Variants in PYY observed in about 807,000 individuals in gnomAD.
PYY encodes the protein peptide YY.
PYY carries 12 observed loss-of-function variants against 10.3 expected under a neutral mutation model. The observed-to-expected ratio is 1.17, with a 90% CI of 0.75 to 1.89. The LOEUF is 1.89. Ranked by LOEUF, PYY falls within the 40% of genes most tolerant of loss-of-function variation. The pLI is 0.00. For synonymous variants in PYY, 66 were observed against 62.0 expected, an observed-to-expected ratio of 1.06 and a Z score of -0.30; for missense variants, 141 against 134.0, an observed-to-expected ratio of 1.05 and a Z score of -0.26.
chr17:43,952,987 A>G lies in PYY; in HGVS notation c.270-7T>C. On this transcript the variant is annotated splice_polypyrimidine_tract_variant and splice_region_variant and intron_variant, in intron 3 of 3. Transcript: ENST00000692052. ...CAGGTCTGGGCCCTCCGACCTGCGG[A>G]AGCGAAGGGGAAGGAATTGGATCTG... is the stretch of plus-strand genomic sequence containing the variant. The G allele has an allele frequency of 6.4e-7, 1 of 1,567,578 alleles. No homozygotes were observed. Among genetic ancestry groups the G allele is most frequent in the Non-Finnish European group, 8.7e-7 (1 of 1,155,890 alleles).
intron 1 of PYY, among the ~76,000 whole-genome samples, chr17:43,980,488 T>TG (rs1457624691): frequency 1.3e-5 from 2 of 151,416 alleles, no homozygotes; most frequent in South Asian, 2.1e-4. Flanking sequence ...TGTTTTGTTT[T>TG]TTTTGAGACA....
chr17:43,961,886 C>A lies in PYY; in HGVS notation c.-217-3858G>T, dbSNP rs544907247. On this transcript the variant is annotated intron_variant, in intron 2 of 6. Transcript: ENST00000360085. ...AATTTCTGTCTTCTCTGCCTCCAAA[C>A]TCAGCTATCTCTTACCACATTGAAA... 2.0e-5 allele frequency among the ~76,000 whole-genome samples: 3 copies of A among 152,262 alleles called. No homozygotes were observed. In the South Asian group the frequency reaches 6.2e-4, roughly 32 times the overall value.
intron 2 of PYY, among the ~76,000 whole-genome samples, chr17:43,962,620 G>A (rs1461698808): frequency 6.6e-6 from 1 of 152,198 alleles, no homozygotes; most frequent in Non-Finnish European, 1.5e-5. Flanking sequence ...CCTGCATCAC[G>A]TTGGAAGTGC....
intron 1 of PYY, among the ~76,000 whole-genome samples, chr17:43,972,255 C>T (rs1429425088): frequency 6.8e-6 from 1 of 147,372 alleles, no homozygotes; most frequent in African/African-American, 2.5e-5. Flanking sequence ...ATTTTGTCAC[C>T]CAGGCTGGAG....
Position 43,967,342 on chromosome 17 carries a change from A to G in PYY, c.-462-810T>C, listed in dbSNP as rs549685391. On this transcript the variant is annotated intron_variant, in intron 1 of 6. Coordinates refer to the PYY transcript ENST00000360085. ...AGAAGAAAGCAATTCCCTAAACACT[A>G]TGCACTCTCCCTTCACACACTGTGC... 2.6e-5 allele frequency among the ~76,000 whole-genome samples: 4 copies of G among 152,098 alleles called. 1 individual carries two copies. In the South Asian group the frequency reaches 6.2e-4, roughly 24 times the overall value.
chr17:43,972,025 A>T (rs967389463), intron 1 of PYY, among the ~76,000 whole-genome samples: 2 of 151,848 alleles, frequency 1.3e-5, no homozygotes, highest in African/African-American at 4.8e-5. Flanking sequence ...TGTATAAGGT[A>T]TGAGGTTTCG....
At chr17:43,980,429 G>T (rs965635697) in intron 1 of PYY, among the ~76,000 whole-genome samples, 4 of 151,514 alleles carry the variant, frequency 2.6e-5, no homozygotes, top group Non-Finnish European at 5.9e-5. Flanking sequence ...CTCCCAAAGT[G>T]CTGGGATTAC....
chr17:43,971,658 T>C (rs575267302), intron 1 of PYY, among the ~76,000 whole-genome samples: 2 of 151,028 alleles, frequency 1.3e-5, no homozygotes, highest in East Asian at 3.9e-4. Flanking sequence ...ATATCCTCCT[T>C]GGTGCAGTGT....
At chr17:43,989,809 TAAAAAAAAAAAA>T (rs1174890162) in intron 1 of PYY, among the ~76,000 whole-genome samples, 39 of 10,494 alleles carry the variant, frequency 3.7e-3, no homozygotes, top group African/African-American at 9.8e-3. Flanking sequence ...GCTGTCTCTT[TAAAAAAAAAAAA>T]AAAAAAAAAA....
intron 1 of PYY, among the ~76,000 whole-genome samples, chr17:43,977,782 C>T (rs761336887): frequency 2.0e-5 from 3 of 152,098 alleles, no homozygotes; most frequent in Non-Finnish European, 4.4e-5. Context: ...GTCCCAGAGC[C>T]TGGGGCTCCT....
chr17:43,986,932 A>T (rs747187260), intron 1 of PYY, among the ~76,000 whole-genome samples: 1 of 152,204 alleles, frequency 6.6e-6, no homozygotes, highest in Non-Finnish European at 1.5e-5. Flanking sequence ...TGAGGTTCAC[A>T]TTATTAGCTC....
intron 1 of PYY, among the ~76,000 whole-genome samples, chr17:43,971,073 G>A (rs1456420961): frequency 6.6e-6 from 1 of 152,192 alleles, no homozygotes; most frequent in African/African-American, 2.4e-5. Flanking sequence ...ACCCTGAAGA[G>A]AGTTTTCTGG....
At position 43,970,178 on chromosome 17, in the gene PYY, TA is replaced by T. The variant is rs1448344511; in HGVS notation, c.-462-3647del. Among the ~76,000 whole-genome samples the T allele has an allele frequency of 5.5e-5, 4 of 72,850 alleles. No homozygotes were observed. The South Asian group carries it at 1.2e-3, about 22-fold the overall frequency. 47.8% of individuals were successfully genotyped at this position (72,850 alleles called of 152,430 possible). A position where few individuals can be genotyped will look rare whatever the true frequency, so the allele number is the denominator to read the frequency against. On this transcript the variant is annotated intron_variant, in intron 1 of 6. Transcript: ENST00000360085. ...ATCACACCACTGTACTCTGCCTGGA[TA>T]AAAAAACAAGACCCTGTCTCTTAAA... is the stretch of plus-strand genomic sequence containing the variant.
intron 1 of PYY, among the ~76,000 whole-genome samples, chr17:43,979,285 T>C (rs2048868147): frequency 6.6e-6 from 1 of 152,208 alleles, no homozygotes; most frequent in Non-Finnish European, 1.5e-5. Context: ...GTTGGAGTCT[T>C]ATTAAGCCCT....
chr17:43,993,147 C>G (rs1043489040), intron 1 of PYY, among the ~76,000 whole-genome samples: 1 of 152,054 alleles, frequency 6.6e-6, no homozygotes, highest in Non-Finnish European at 1.5e-5. Flanking sequence ...AACCCTATCT[C>G]TACAAAAAAA....
chr17:43,978,261 A>G (rs539839266), intron 1 of PYY, among the ~76,000 whole-genome samples: 2 of 148,310 alleles, frequency 1.3e-5, no homozygotes, highest in African/African-American at 5.0e-5. Context: ...AAGAAAGAGA[A>G]AGAAAGAGAG....
chr17:43,990,106 G>A (rs897549555), intron 1 of PYY, among the ~76,000 whole-genome samples: 19 of 151,456 alleles, frequency 1.3e-4, no homozygotes, highest in Non-Finnish European at 2.4e-4. Flanking sequence ...TGGCTGGCTC[G>A]TGGCTGGTGA....
intron 1 of PYY, among the ~76,000 whole-genome samples, chr17:43,981,830 T>C (rs890001945): frequency 1.3e-5 from 2 of 152,178 alleles, no homozygotes; most frequent in African/African-American, 4.8e-5. Context: ...CTGTTGTGAA[T>C]TGTCTGACCA....
At chr17:43,976,597 C>A (rs1190788030) in intron 1 of PYY, among the ~76,000 whole-genome samples, 2 of 151,880 alleles carry the variant, frequency 1.3e-5, no homozygotes, top group African/African-American at 4.8e-5. Context: ...CATGGTGAAA[C>A]CCCATCTCTA....
Sources: allele counts gnomAD v4.1 joint callset (sites outside exome capture counted in the v4.1 genomes callset), GRCh38; gene constraint gnomAD v4.1.1; transcripts MANE v1.5; gene names NCBI Gene and HGNC (gene_info 2026-07-23, HGNC 2026-07-21).